Variants in TRPC4 observed in about 807,000 individuals in gnomAD.
The protein encoded by TRPC4 is short transient receptor potential channel 4.
A neutral mutation model predicts 99.4 loss-of-function variants in TRPC4; 49 were observed. That is an observed-to-expected ratio of 0.49 (90% CI 0.39 to 0.63). The LOEUF (loss-of-function observed/expected upper bound fraction) is 0.63, where lower values mean the gene tolerates loss of function less well. Among genes scored for constraint, TRPC4 ranks in the 20% least tolerant of loss-of-function variants. The probability of loss-of-function intolerance (pLI) is 0.00; values close to 1 mark genes in which losing one functional copy is unlikely to be tolerated. For missense variants in TRPC4, 898 were observed against 1,152.9 expected, an observed-to-expected ratio of 0.78 and a Z score of 3.20; for synonymous variants, 454 against 425.9, an observed-to-expected ratio of 1.07 and a Z score of -0.81.
chr13:37,856,329 A>G (rs529005521), intron 1 of TRPC4, among the ~76,000 whole-genome samples: 128 of 151,304 alleles, frequency 8.5e-4, no homozygotes, highest in Middle Eastern at 6.8e-3. Context: ...GAACAAATCC[A>G]AAACCTGACT....
At chr13:37,815,043 T>C (rs1242174725) in intron 1 of TRPC4, among the ~76,000 whole-genome samples, 1 of 151,624 alleles carries the variant, frequency 6.6e-6, no homozygotes, top group Admixed American at 6.6e-5. Flanking sequence ...GATCAGTTGA[T>C]TTTTTTTACA....
intron 1 of TRPC4, among the ~76,000 whole-genome samples, chr13:37,869,285 A>T (rs576541527): frequency 6.6e-6 from 1 of 152,000 alleles, no homozygotes; most frequent in South Asian, 2.1e-4. Flanking sequence ...TGTTTACCAT[A>T]TAAGTCACAC....
At chr13:37,651,023 G>A (rs1952028382) in intron 8 of TRPC4, among the ~76,000 whole-genome samples, 1 of 152,166 alleles carries the variant, frequency 6.6e-6, no homozygotes, top group African/African-American at 2.4e-5. Flanking sequence ...AAGGAGGGCT[G>A]TGTGAAGAGC....
chr13:37,823,665 G>C (rs923747037), intron 1 of TRPC4, among the ~76,000 whole-genome samples: 8 of 149,630 alleles, frequency 5.3e-5, no homozygotes, highest in African/African-American at 1.7e-4. Context: ...TGCTGTTTTG[G>C]TTACTGTAGC....
intron 7 of TRPC4, among the ~76,000 whole-genome samples, chr13:37,652,318 A>G (rs1952072530): frequency 6.6e-6 from 1 of 152,220 alleles, no homozygotes; most frequent in Non-Finnish European, 1.5e-5. Flanking sequence ...CATAAACACG[A>G]ACTCATATTT....
chr13:37,666,408 T>G (rs1952648865), intron 5 of TRPC4, among the ~76,000 whole-genome samples: 1 of 152,144 alleles, frequency 6.6e-6, no homozygotes, highest in South Asian at 2.1e-4. Context: ...TGTTCTCTGA[T>G]CCAAAAAACC....
At chr13:37,752,594 C>T (rs116483303) in intron 2 of TRPC4, among the ~76,000 whole-genome samples, 2 of 151,702 alleles carry the variant, frequency 1.3e-5, no homozygotes, top group Admixed American at 1.3e-4. Context: ...CTGCCCCCCT[C>T]CCCCTCCCAC....
chr13:37,817,263 C>T (rs1026117077), intron 1 of TRPC4, among the ~76,000 whole-genome samples: 5 of 152,062 alleles, frequency 3.3e-5, no homozygotes, highest in Non-Finnish European at 4.4e-5. Flanking sequence ...GAATGTAATC[C>T]CATTCACAAT....
At chr13:37,836,666 G>A (rs1958574837) in intron 1 of TRPC4, among the ~76,000 whole-genome samples, 2 of 152,142 alleles carry the variant, frequency 1.3e-5, no homozygotes, top group African/African-American at 2.4e-5. Flanking sequence ...GCTGTTAAAG[G>A]CATTCAGTTT....
At chr13:37,837,017 G>A (rs543989210) in intron 1 of TRPC4, among the ~76,000 whole-genome samples, 1 of 152,324 alleles carries the variant, frequency 6.6e-6, no homozygotes, top group African/African-American at 2.4e-5. Context: ...TAGAGCTCAG[G>A]CCATGGCTTC....
chr13:37,723,631 C>G (rs191707542), intron 3 of TRPC4, among the ~76,000 whole-genome samples: 1 of 152,264 alleles, frequency 6.6e-6, no homozygotes, highest in Non-Finnish European at 1.5e-5. Flanking sequence ...CTCACTGCAG[C>G]TTTGACTTCT....
At chr13:37,687,753 T>C (rs1331787566) in intron 4 of TRPC4, among the ~76,000 whole-genome samples, 1 of 152,212 alleles carries the variant, frequency 6.6e-6, no homozygotes, top group East Asian at 1.9e-4. Flanking sequence ...TCTTCTAGCC[T>C]CGAGCTCTTT....
At chr13:37,693,927 T>TA (rs1032780568) in intron 3 of TRPC4, among the ~76,000 whole-genome samples, 1 of 152,168 alleles carries the variant, frequency 6.6e-6, no homozygotes, top group African/African-American at 2.4e-5. Context: ...GTACGGCACT[T>TA]ACTTAAGGAA....
intron 3 of TRPC4, among the ~76,000 whole-genome samples, chr13:37,696,060 A>G (rs928693671): frequency 2.6e-5 from 4 of 152,244 alleles, no homozygotes; most frequent in Non-Finnish European, 5.9e-5. Context: ...ATGGACTCAC[A>G]GTCCCATGTG....
At chr13:37,842,678 G>T (rs572966734) in intron 1 of TRPC4, among the ~76,000 whole-genome samples, 1 of 152,228 alleles carries the variant, frequency 6.6e-6, no homozygotes, top group Non-Finnish European at 1.5e-5. Context: ...GGGAACTTTT[G>T]TAATGGCACT....
intron 1 of TRPC4, among the ~76,000 whole-genome samples, chr13:37,828,760 CT>C (rs1313169396): frequency 2.0e-5 from 3 of 152,142 alleles, no homozygotes; most frequent in Non-Finnish European, 4.4e-5. Flanking sequence ...CATCTTCTCC[CT>C]TGTAAGTGGG....
At chr13:37,845,610 A>AAAATAAAT (rs536497215) in intron 1 of TRPC4, among the ~76,000 whole-genome samples, 1 of 151,878 alleles carries the variant, frequency 6.6e-6, no homozygotes, top group South Asian at 2.1e-4. Flanking sequence ...CAGAGGAGCA[A>AAAATAAAT]AAATAAATAA....
At chr13:37,840,629 ATATGT>A (rs756966591) in intron 1 of TRPC4, among the ~76,000 whole-genome samples, 1 of 151,956 alleles carries the variant, frequency 6.6e-6, no homozygotes, top group Non-Finnish European at 1.5e-5. Flanking sequence ...AAACTGTTAT[ATATGT>A]TATAATATTA....
chr13:37,803,876 TA>T (rs1224018963), intron 1 of TRPC4, among the ~76,000 whole-genome samples: 1 of 152,084 alleles, frequency 6.6e-6, no homozygotes, highest in African/African-American at 2.4e-5. Flanking sequence ...AGGTTCAGAA[TA>T]AAGATCAGTG....
Sources: gnomAD v4.1 joint callset for allele counts (sites outside exome capture counted in the v4.1 genomes callset) on GRCh38, gnomAD v4.1.1 for gene constraint, MANE v1.5 for transcripts, NCBI Gene and HGNC (gene_info 2026-07-23, HGNC 2026-07-21) for gene names.